The following COL26A1 variants were observed in gnomAD, a reference collection of about 807,000 sequenced individuals.
COL26A1 encodes collagen type XXVI alpha 1 chain.
A neutral mutation model predicts 59.3 loss-of-function variants in COL26A1; 41 were observed. The ratio of observed to expected loss-of-function variants is 0.69; its 90% CI spans 0.54 to 0.90. COL26A1 has a LOEUF of 0.90. Among genes scored for constraint, COL26A1 ranks in the 40% least tolerant of loss-of-function variants. COL26A1 has a pLI of 0.00. For synonymous variants in COL26A1, 266 were observed against 256.0 expected, an observed-to-expected ratio of 1.04 and a Z score of -0.37; for missense variants, 612 against 602.3, an observed-to-expected ratio of 1.02 and a Z score of -0.17.
At chr7:101,510,440 C>T (rs1794898157) in intron 3 of COL26A1, among the ~76,000 whole-genome samples, 1 of 152,228 alleles carries the variant, frequency 6.6e-6, no homozygotes, top group Non-Finnish European at 1.5e-5. Flanking sequence ...GGTAAGGCTG[C>T]ACCTCATCCC....
At chr7:101,552,136 G>A (rs1195809836) in intron 10 of COL26A1, among the ~76,000 whole-genome samples, 2 of 152,170 alleles carry the variant, frequency 1.3e-5, no homozygotes, top group African/African-American at 4.8e-5. Context: ...ACACAATGAT[G>A]GCACTTCTAG....
Position 101,540,061 on chromosome 7 carries a change from C to A in COL26A1, c.604+12C>A. On this transcript the variant is annotated intron_variant, in intron 5 of 12. Transcript: ENST00000313669. ...CACGGGCCCAGCCGGTGAGTGAGGG[C>A]TGCAGAGAGGACAGGCTGGGGCAGC... 6.2e-7 allele frequency: 1 copy of A among 1,608,502 alleles called. No individual in the cohort carries two copies. Among genetic ancestry groups the A allele is most frequent in the Non-Finnish European group, 8.5e-7 (1 of 1,177,970 alleles).
chr7:101,457,896 T>G lies in COL26A1; in HGVS notation c.385+10109T>G, dbSNP rs1265079584. The stretch of plus-strand genomic sequence containing the variant: ...TGCTAGGTTGTGGTATAGCTTAACT[T>G]TTTTTTTTTTTTTTTTTTGAAATGG... On this transcript the variant is annotated intron_variant, in intron 3 of 12. Coordinates refer to ENST00000313669, the MANE Select transcript of COL26A1 (RefSeq NM_001278563.3). Among the ~76,000 whole-genome samples the G allele has an allele frequency of 3.9e-5, 4 of 103,226 alleles. No individual in the cohort carries two copies. In the East Asian group the frequency reaches 8.0e-4, roughly 21 times the overall value. The allele number at this position is 103,226 out of a possible 152,430, so 67.7% of individuals were successfully genotyped here.
intron 3 of COL26A1, among the ~76,000 whole-genome samples, chr7:101,505,469 G>T (rs1015930897): frequency 2.0e-5 from 3 of 152,132 alleles, no homozygotes; most frequent in African/African-American, 7.2e-5. Context: ...GATGGAAAGA[G>T]GAGTTTGTTA....
chr7:101,429,055 C>G (rs1792714543), intron 2 of COL26A1, among the ~76,000 whole-genome samples: 1 of 151,520 alleles, frequency 6.6e-6, no homozygotes, highest in Non-Finnish European at 1.5e-5. Flanking sequence ...TCCTGAGTAG[C>G]TGGGATTACA....
intron 3 of COL26A1, among the ~76,000 whole-genome samples, chr7:101,494,603 G>T (rs565698244): frequency 1.6e-4 from 25 of 152,348 alleles, no homozygotes; most frequent in African/African-American, 6.0e-4. Context: ...CCCTTGAGGG[G>T]CAGGATTGAG....
At chr7:101,441,926 A>G (rs1793067197) in intron 2 of COL26A1, among the ~76,000 whole-genome samples, 1 of 152,170 alleles carries the variant, frequency 6.6e-6, no homozygotes, top group African/African-American at 2.4e-5. Context: ...TGGTATCCTC[A>G]TCATACAGAC....
chr7:101,374,981 A>C (rs890428629), intron 1 of COL26A1, among the ~76,000 whole-genome samples: 1 of 151,756 alleles, frequency 6.6e-6, no homozygotes, highest in African/African-American at 2.4e-5. Flanking sequence ...GAATCGCTTG[A>C]CCTGTGAAGC....
chr7:101,376,151 AAAG>A (rs1584351588), intron 1 of COL26A1, among the ~76,000 whole-genome samples: 2 of 136,732 alleles, frequency 1.5e-5, no homozygotes, highest in East Asian at 4.3e-4. Flanking sequence ...AAAAAAAAAA[AAAG>A]AATAGAAACT....
Position 101,530,961 on chromosome 7 carries a change from G to GTTTTTTGT in COL26A1, c.386-2101_386-2094dup, listed in dbSNP as rs562191092. On this transcript the variant is annotated intron_variant, in intron 3 of 12. Transcript: ENST00000313669. Reference sequence around the variant, plus strand: ...CCTTTTTTATTTCTTGTTTTTTTTTGTTTTTTGTTTTTTTGTTTTTTTGTT... The same window carrying GTTTTTTGT: ...CCTTTTTTATTTCTTGTTTTTTTTTGTTTTTTGTTTTTTTGTTTTTTTGTTTTTTTGTT... Among the ~76,000 whole-genome samples the GTTTTTTGT allele has an allele frequency of 6.8e-4, 103 of 150,758 alleles. 1 individual carries two copies. The South Asian group carries it at 0.011, about 16-fold the overall frequency.
At chr7:101,384,890 G>A (rs1440243605) in intron 1 of COL26A1, among the ~76,000 whole-genome samples, 25 of 152,154 alleles carry the variant, frequency 1.6e-4, no homozygotes, top group Non-Finnish European at 1.5e-5. Context: ...TGTGGCTGAA[G>A]GTCTGAAAGC....
chr7:101,398,298 G>T (rs1419554902), intron 1 of COL26A1, among the ~76,000 whole-genome samples: 26 of 152,190 alleles, frequency 1.7e-4, no homozygotes, highest in Non-Finnish European at 1.5e-5. Flanking sequence ...AGGAGACCTG[G>T]AGATTAGGGG....
intron 3 of COL26A1, among the ~76,000 whole-genome samples, chr7:101,491,755 C>T (rs1018711693): frequency 3.9e-5 from 6 of 152,084 alleles, no homozygotes; most frequent in African/African-American, 9.7e-5. Flanking sequence ...GGGTTTTGGC[C>T]GGTTTCTTTA....
At chr7:101,484,840 TTTAA>T (rs138487721) in intron 3 of COL26A1, among the ~76,000 whole-genome samples, 39 of 147,342 alleles carry the variant, frequency 2.6e-4, no homozygotes, top group African/African-American at 6.2e-4. Context: ...TTTTTGTATT[TTTAA>T]TTAATTAATT....
rs141927030 is a variant in COL26A1 at position 101,508,582 on chromosome 7, C to A, written c.386-24500C>A. The stretch of plus-strand genomic sequence containing the variant: ...GCATGAACCAACAACCCTCCCTTCC[C>A]ACCCCTCCTTGATAAACAGATGAAA... On this transcript the variant is annotated intron_variant, in intron 3 of 12. Transcript: ENST00000313669. Among the ~76,000 whole-genome samples, 271 of 152,018 alleles carry A rather than the reference C, an allele frequency of 1.8e-3. 8 individuals are homozygous for A. Among genetic ancestry groups the A allele is most frequent in the Admixed American group, 0.017 (263 of 15,248 alleles).
intron 3 of COL26A1, among the ~76,000 whole-genome samples, chr7:101,495,326 G>A (rs78752547): frequency 1.3e-5 from 2 of 152,098 alleles, no homozygotes; most frequent in East Asian, 1.9e-4. Context: ...AGAAGCTGTC[G>A]AGCAATTCAA....
intron 2 of COL26A1, among the ~76,000 whole-genome samples, chr7:101,442,462 A>G (rs991409982): frequency 1.3e-5 from 2 of 152,120 alleles, no homozygotes; most frequent in African/African-American, 2.4e-5. Context: ...CTGTCTAAAA[A>G]CAGAACAAAA....
intron 3 of COL26A1, among the ~76,000 whole-genome samples, chr7:101,477,451 C>A (rs1384215961): frequency 6.6e-6 from 1 of 152,138 alleles, no homozygotes; most frequent in Non-Finnish European, 1.5e-5. Flanking sequence ...CTCTCTTGGG[C>A]TGGTTGGATC....
intron 3 of COL26A1, among the ~76,000 whole-genome samples, chr7:101,499,801 C>G (rs189774081): frequency 1.3e-5 from 2 of 150,998 alleles, no homozygotes; most frequent in Admixed American, 6.6e-5. Context: ...CACTTGAGCT[C>G]AGAAGGTGGA....
Sources: gnomAD v4.1 joint callset for allele counts (sites outside exome capture counted in the v4.1 genomes callset) on GRCh38, gnomAD v4.1.1 for gene constraint, MANE v1.5 for transcripts, NCBI Gene and HGNC (gene_info 2026-07-23, HGNC 2026-07-21) for gene names.